The following AUH variants were observed in gnomAD, a reference collection of about 807,000 sequenced individuals.
AUH encodes the protein methylglutaconyl-CoA hydratase, mitochondrial.
Under a neutral mutation model 42.3 loss-of-function variants are expected in AUH, and 29 were observed. The ratio of observed to expected loss-of-function variants is 0.69; its 90% confidence interval spans 0.51 to 0.93. AUH has a LOEUF of 0.93. Among genes scored for constraint, AUH ranks in the 40% least tolerant of loss-of-function variants. The pLI, the probability that AUH is intolerant of heterozygous loss-of-function variation, is 0.00. For missense variants in AUH, 452 were observed against 438.1 expected (o/e 1.03, Z -0.28); for synonymous variants, 174 against 166.4 (o/e 1.05, Z -0.35).
intron 6 of AUH, among the ~76,000 whole-genome samples, chr9:91,254,124 G>C (rs1031540434): frequency 3.3e-5 from 5 of 152,312 alleles, no homozygotes; most frequent in Non-Finnish European, 7.4e-5. Flanking sequence ...CAGTGCACAG[G>C]CCTCTCCCGG....
chr9:91,261,130 T>C (rs879058778), intron 6 of AUH, among the ~76,000 whole-genome samples: 1 of 152,194 alleles, frequency 6.6e-6, no homozygotes, highest in Admixed American at 6.5e-5. Context: ...CTTCTGCTCC[T>C]GGGTCGTATT....
At chr9:91,289,892 G>A (rs74361452) in intron 6 of AUH, among the ~76,000 whole-genome samples, 10,886 of 152,080 alleles carry the variant, frequency 0.072, 671 homozygotes, top group East Asian at 0.26. Context: ...AAAAGAACAG[G>A]CATCACCTAG....
At chr9:91,352,072 C>T (rs1460198289) in intron 3 of AUH, among the ~76,000 whole-genome samples, 1 of 152,090 alleles carries the variant, frequency 6.6e-6, no homozygotes, top group Non-Finnish European at 1.5e-5. Flanking sequence ...GTCAGGAGTT[C>T]AAGACCAGCC....
chr9:91,240,457 C>G (rs1289796543), intron 6 of AUH, among the ~76,000 whole-genome samples: 1 of 152,114 alleles, frequency 6.6e-6, no homozygotes, highest in Non-Finnish European at 1.5e-5. Flanking sequence ...CAGCGTGGAT[C>G]TTGAACAGAG....
At chr9:91,349,895 T>A (rs1430298362) in intron 3 of AUH, among the ~76,000 whole-genome samples, 1 of 152,210 alleles carries the variant, frequency 6.6e-6, no homozygotes, top group Non-Finnish European at 1.5e-5. Flanking sequence ...AGGCAAGCCA[T>A]GAACCCAGAA....
intron 3 of AUH, among the ~76,000 whole-genome samples, chr9:91,337,280 T>A (rs1379984438): frequency 6.6e-6 from 1 of 152,232 alleles, no homozygotes; most frequent in Admixed American, 6.5e-5. Flanking sequence ...GATGAAGAGT[T>A]ACAGTAAAAA....
intron 6 of AUH, among the ~76,000 whole-genome samples, chr9:91,225,778 C>A (rs951732209): frequency 4.7e-5 from 7 of 150,514 alleles, no homozygotes; most frequent in Non-Finnish European, 7.4e-5. Context: ...GTTCAATTCC[C>A]ACCTATGAGT....
chr9:91,314,535 T>C (rs1024673708), intron 4 of AUH, among the ~76,000 whole-genome samples: 4 of 150,514 alleles, frequency 2.7e-5, no homozygotes, highest in African/African-American at 9.8e-5. Context: ...CCAAGAGCTA[T>C]TTTTCTAGAC....
intron 4 of AUH, among the ~76,000 whole-genome samples, chr9:91,309,351 T>C (rs1467896414): frequency 1.3e-5 from 2 of 152,184 alleles, no homozygotes; most frequent in South Asian, 4.2e-4. Flanking sequence ...CAGTTCTTAC[T>C]GTTCATCTTA....
chr9:91,216,024 G>A (rs760659468), intron 9 of AUH, 35 bp downstream of exon 9: 4 of 1,576,838 alleles, frequency 2.5e-6, no homozygotes, highest in Non-Finnish European at 3.5e-6. Context: ...ATTTGTAAGG[G>A]TCATCCTCAT....
intron 6 of AUH, among the ~76,000 whole-genome samples, chr9:91,291,668 C>T (rs1273608931): frequency 6.6e-6 from 1 of 152,136 alleles, no homozygotes; most frequent in African/African-American, 2.4e-5. Context: ...TCTGGGCAGT[C>T]TTCAATTTCA....
intron 3 of AUH, among the ~76,000 whole-genome samples, chr9:91,328,410 C>T (rs1341389594): frequency 6.6e-6 from 1 of 152,184 alleles, no homozygotes; most frequent in African/African-American, 2.4e-5. Flanking sequence ...ACTAAGGCAG[C>T]CAGGATGTAA....
At chr9:91,355,221 A>T (rs1434250015) in intron 3 of AUH, among the ~76,000 whole-genome samples, 2 of 152,240 alleles carry the variant, frequency 1.3e-5, no homozygotes, top group Admixed American at 1.3e-4. Flanking sequence ...TTAAGGCAGA[A>T]GCCACAGAGA....
At chr9:91,249,533 G>A (rs866374226) in intron 6 of AUH, among the ~76,000 whole-genome samples, 3 of 151,664 alleles carry the variant, frequency 2.0e-5, no homozygotes, top group South Asian at 4.2e-4. Flanking sequence ...TGGTAACACC[G>A]ACATAAGATC....
chr9:91,263,216 T>C lies in AUH; in HGVS notation c.655+32805A>G, dbSNP rs75017378. Among the ~76,000 whole-genome samples the C allele has an allele frequency of 9.5e-3, 1,447 of 152,308 alleles. 24 individuals are homozygous for C. The highest frequency in any genetic ancestry group is 0.033 in the African/African-American group (1,377 of 41,584). On this transcript the variant is annotated intron_variant, in intron 6 of 9. Transcript: ENST00000375731. ...AAGCCCCATCCTCACTTCTATACCA[T>C]GGTTTACCACAGGATATGATTTGTG...
chr9:91,263,943 T>C (rs565692268), intron 6 of AUH, among the ~76,000 whole-genome samples: 1 of 152,310 alleles, frequency 6.6e-6, no homozygotes, highest in South Asian at 2.1e-4. Context: ...GTCCACCATG[T>C]ATATCAATTT....
chr9:91,342,169 A>C (rs931122278), intron 3 of AUH, among the ~76,000 whole-genome samples: 1 of 152,206 alleles, frequency 6.6e-6, no homozygotes, highest in Non-Finnish European at 1.5e-5. Context: ...TTCTGGAGGC[A>C]CTAGGGAAGA....
intron 1 of AUH, among the ~76,000 whole-genome samples, chr9:91,358,977 T>C: frequency 6.6e-6 from 1 of 152,164 alleles, no homozygotes. Flanking sequence ...CAATCACTTC[T>C]CAAGAACTCA....
chr9:91,252,015 G>A (rs990307412), intron 6 of AUH, among the ~76,000 whole-genome samples: 2 of 151,974 alleles, frequency 1.3e-5, no homozygotes, highest in African/African-American at 4.8e-5. Context: ...TGCCCAGGCT[G>A]GAGTGCAGTG....
Sources: gnomAD v4.1 joint callset for allele counts (sites outside exome capture counted in the v4.1 genomes callset) on GRCh38, gnomAD v4.1.1 for gene constraint, MANE v1.5 for transcripts, NCBI Gene and HGNC (gene_info 2026-07-23, HGNC 2026-07-21) for gene names.